Variants in RGS12 observed in about 807,000 individuals in gnomAD.
RGS12 encodes regulator of G protein signaling 12, also known as regulator of G-protein signaling 12.
A neutral mutation model predicts 120.1 loss-of-function variants in RGS12; 66 were observed. The observed-to-expected ratio is 0.55, with a 90% CI of 0.45 to 0.67. The LOEUF is 0.67. RGS12 is among the 30% of genes least tolerant of loss of function. The pLI is 0.00. For missense variants in RGS12, 1,859 were observed against 1,957.7 expected, an observed-to-expected ratio of 0.95 and a Z score of 0.95; for synonymous variants, 827 against 804.7, an observed-to-expected ratio of 1.03 and a Z score of -0.47.
intron 2 of RGS12, among the ~76,000 whole-genome samples, chr4:3,333,092 A>G (rs1490047027): frequency 2.2e-5 from 3 of 137,194 alleles, no homozygotes; most frequent in Non-Finnish European, 4.6e-5. Flanking sequence ...ACCGTCTCCC[A>G]GGCTGGAGTG....
intron 3 of RGS12, among the ~76,000 whole-genome samples, chr4:3,379,132 C>T (rs1718008515): frequency 6.6e-6 from 1 of 151,936 alleles, no homozygotes; most frequent in Admixed American, 6.6e-5. Context: ...ACATGTGTGG[C>T]TTCACTTACA....
At chr4:3,401,087 C>A (rs1315718362) in intron 4 of RGS12, among the ~76,000 whole-genome samples, 2 of 152,100 alleles carry the variant, frequency 1.3e-5, no homozygotes, top group Non-Finnish European at 2.9e-5. Context: ...AACTTTTAAA[C>A]CTGGCAGAGT....
chr4:3,406,734 C>A (rs1227809118), intron 4 of RGS12, among the ~76,000 whole-genome samples: 2 of 152,222 alleles, frequency 1.3e-5, no homozygotes, highest in South Asian at 4.1e-4. Flanking sequence ...AGAGATGAGG[C>A]CCTGCTCGGC....
At chr4:3,302,470 G>A (rs150125342) in intron 1 of RGS12, among the ~76,000 whole-genome samples, 241 of 152,356 alleles carry the variant, frequency 1.6e-3, no homozygotes, top group South Asian at 7.7e-3. Flanking sequence ...TGGAGTTCAC[G>A]TTGTGTGGCC....
chr4:3,417,769 A>G, intron 9 of RGS12: 1 of 556,008 alleles, frequency 1.8e-6, no homozygotes. Flanking sequence ...TTCCAGAGAA[A>G]AGGGCTCAAT....
intron 3 of RGS12, among the ~76,000 whole-genome samples, chr4:3,380,479 A>T (rs540751031): frequency 6.6e-6 from 1 of 152,178 alleles, no homozygotes; most frequent in African/African-American, 2.4e-5. Flanking sequence ...CTAACCCCAC[A>T]TTTCCCTTTC....
In RGS12 at chr4:3,317,069, C is replaced by T. The variant is rs1724820910; in HGVS notation, c.899C>T (p.Ala300Val). The change falls in exon 2 of 18, where the codon GCC becomes GTC. Residue 300 changes from alanine (A) to valine (V), a missense_variant. Coordinates refer to ENST00000336727, the MANE Select transcript of RGS12 (RefSeq NM_001394154.1). ...VVAEYPAEKL[A>V]FSAVCPDDRR... is the part of the protein sequence containing the mutation. The stretch of plus-strand genomic sequence containing the variant: ...GCCGAGTACCCGGCCGAGAAGCTGG[C>T]CTTCAGCGCCGTGTGCCCGGACGAC... 1 of 1,613,584 alleles carries T rather than the reference C, an allele frequency of 6.2e-7. No individual in the cohort carries two copies. Among genetic ancestry groups the T allele is most frequent in the African/African-American group, 1.3e-5 (1 of 74,962 alleles).
chr4:3,431,150 T>C (rs1724261950), intron 17 of RGS12, 195 bp downstream of exon 17: 17 of 1,422,340 alleles, frequency 1.2e-5, no homozygotes, highest in Middle Eastern at 5.2e-4. Context: ...CCAGTGTCTG[T>C]CAGGATGGTC....
chr4:3,293,287 C>T (rs1182148735), intron 1 of RGS12, among the ~76,000 whole-genome samples, 188 bp downstream of exon 1: 1 of 143,476 alleles, frequency 7.0e-6, no homozygotes, highest in Non-Finnish European at 1.5e-5. Flanking sequence ...ACTCAGGCTC[C>T]TGGTCCCGGG....
At position 3,420,615 on chromosome 4, in the gene RGS12, G is replaced by C. The variant is rs368485564; in HGVS notation, c.2762-27G>C. The C allele has an allele frequency of 3.3e-5, 53 of 1,609,332 alleles. No individual in the cohort carries two copies. The Middle Eastern group carries it at 5.2e-4, about 16-fold the overall frequency. On this transcript the variant is annotated intron_variant, in intron 9 of 17. Transcript: ENST00000336727. ...CCGAATAAACAGGGTTCTGATTGAC[G>C]TGAGTCACTGTGTTTCCCCTGTCAA...
chr4:3,285,997 G>A, the RGS12 span, among the ~76,000 whole-genome samples: 23 of 152,364 alleles, frequency 1.5e-4, no homozygotes, highest in East Asian at 2.9e-3. Flanking sequence ...GGTGTGCCGG[G>A]CTGCGCTCCA....
At chr4:3,308,543 G>A (rs181984104) in intron 1 of RGS12, among the ~76,000 whole-genome samples, 1 of 152,356 alleles carries the variant, frequency 6.6e-6, no homozygotes, top group Non-Finnish European at 1.5e-5. Flanking sequence ...CTGTGGTGCT[G>A]CGTGCTCTGG....
At chr4:3,342,070 G>C (rs192226500) in intron 2 of RGS12, among the ~76,000 whole-genome samples, 1 of 151,860 alleles carries the variant, frequency 6.6e-6, no homozygotes, top group Admixed American at 6.6e-5. Context: ...GTGCAGGCAT[G>C]CTGTAGGTTT....
chr4:3,379,674 A>G (rs898717543), intron 3 of RGS12, among the ~76,000 whole-genome samples: 10 of 152,286 alleles, frequency 6.6e-5, no homozygotes, highest in African/African-American at 2.4e-4. Flanking sequence ...CCTTCTTCAT[A>G]TGGCAGTAGG....
At chr4:3,388,972 G>A (rs563611122) in intron 4 of RGS12, among the ~76,000 whole-genome samples, 3 of 152,188 alleles carry the variant, frequency 2.0e-5, no homozygotes, top group South Asian at 2.1e-4. Context: ...TCTCTGCCTG[G>A]TCATCCTGTC....
chr4:3,388,115 C>T (rs1479015012), intron 4 of RGS12, among the ~76,000 whole-genome samples: 4 of 152,146 alleles, frequency 2.6e-5, no homozygotes, highest in Non-Finnish European at 5.9e-5. Context: ...CTTTCCACCC[C>T]CTGCTCCTCC....
rs757134282 is a variant in RGS12, at chr4:3,417,603, G to T, written c.2761+62G>T. The T allele has an allele frequency of 6.4e-6, 10 of 1,567,126 alleles. No homozygotes were observed. In the Admixed American group the frequency reaches 1.6e-4, roughly 25 times the overall value. On this transcript the variant is annotated intron_variant, in intron 9 of 17. Coordinates refer to ENST00000336727, the MANE Select transcript of RGS12 (RefSeq NM_001394154.1). ...CAGGCAGCCGCGTCCCCGTCCTGGC[G>T]TCGCTCTGGTGGTTGGCGGTGACCT... is the stretch of plus-strand genomic sequence containing the variant.
chr4:3,432,246 A>G, intron 17 of RGS12: 1 of 845,648 alleles, frequency 1.2e-6, no homozygotes, highest in Non-Finnish European at 1.4e-6. Context: ...AAGTATTTTA[A>G]TCTAGGGGAA....
At position 3,317,040 on chromosome 4, in the gene RGS12, C is replaced by A. The variant is rs748744212; in HGVS notation, c.870C>A (p.Val290=). 9.3e-6 allele frequency: 15 copies of A among 1,613,532 alleles called. No homozygotes were observed. The highest frequency in any genetic ancestry group is 1.1e-5 in the Non-Finnish European group (13 of 1,180,046). ...AGCTGAGCACTGACAAGGCTGGAGT[C>A]GTGGCCGAGTACCCGGCCGAGAAGC... ...CVQLSTDKAG[V]VAEYPAEKLA... is the part of the protein sequence containing the mutation. Residue 290 remains valine (V), a synonymous_variant, in exon 2 of 18, where the codon GTC becomes GTA. Transcript: ENST00000336727.
Sources: allele counts gnomAD v4.1 joint callset (sites outside exome capture counted in the v4.1 genomes callset), GRCh38; gene constraint gnomAD v4.1.1; transcripts MANE v1.5; gene names NCBI Gene and HGNC (gene_info 2026-07-23, HGNC 2026-07-21).